The following SORCS1 variants were observed in gnomAD, a reference collection of about 807,000 sequenced individuals.
The protein encoded by SORCS1 is sortilin related VPS10 domain containing receptor 1, also known as VPS10 domain-containing receptor SorCS1.
A neutral mutation model predicts 146.1 loss-of-function variants in SORCS1; 60 were observed. That is an observed-to-expected ratio of 0.41 (90% CI 0.33 to 0.51). The LOEUF is 0.51. Among genes scored for constraint, SORCS1 ranks in the 20% least tolerant of loss-of-function variants. SORCS1 has a pLI of 0.21. For missense variants in SORCS1, 1,352 were observed against 1,487.6 expected (o/e 0.91, Z 1.50); for synonymous variants, 637 against 584.0 (o/e 1.09, Z -1.31).
At chr10:106,679,229 G>C in intron 12 of SORCS1, 27 bp downstream of exon 12, 1 of 1,580,764 alleles carries the variant, frequency 6.3e-7, no homozygotes, top group Non-Finnish European at 8.6e-7. Flanking sequence ...TTAAACTTCA[G>C]CGATTTGACC....
At chr10:106,981,495 T>C (rs557060031) in intron 1 of SORCS1, among the ~76,000 whole-genome samples, 1 of 152,200 alleles carries the variant, frequency 6.6e-6, no homozygotes, top group Non-Finnish European at 1.5e-5. Flanking sequence ...TAAAGTTCAT[T>C]TATTTAACTC....
intron 2 of SORCS1, among the ~76,000 whole-genome samples, chr10:106,916,919 T>C (rs1439224513): frequency 6.6e-6 from 1 of 152,088 alleles, no homozygotes; most frequent in Non-Finnish European, 1.5e-5. Context: ...ATTTTTGTAT[T>C]TTTAGTAGAG....
intron 3 of SORCS1, among the ~76,000 whole-genome samples, chr10:106,777,975 G>A (rs962916575): frequency 6.6e-6 from 1 of 152,156 alleles, no homozygotes; most frequent in Non-Finnish European, 1.5e-5. Context: ...AGCTGAGGAT[G>A]CTGCACTTCC....
At chr10:106,602,512 A>AACACACACACACACACACAC (rs66699179) in intron 23 of SORCS1, among the ~76,000 whole-genome samples, 235 of 138,842 alleles carry the variant, frequency 1.7e-3, no homozygotes, top group African/African-American at 3.0e-3. Context: ...ATTCCTTCAT[A>AACACACACACACACACACAC]ACACACACAC....
Position 106,651,422 on chromosome 10 carries a change from TCC to T in SORCS1, c.2475+958_2475+959del, listed in dbSNP as rs1015909825. ...AGAAATGTATATTCTTGGGCCCTAC[TCC>T]AACCTACTGAATCAGAATCTTTAAG... On this transcript the variant is annotated intron_variant, in intron 18 of 25. Transcript: ENST00000263054. 1.4e-4 allele frequency among the ~76,000 whole-genome samples: 21 copies of T among 152,270 alleles called. No individual in the cohort carries two copies. In the South Asian group the frequency reaches 1.5e-3, roughly 11 times the overall value.
At chr10:106,612,720 GAGCC>G in intron 21 of SORCS1, among the ~76,000 whole-genome samples, 1 of 152,088 alleles carries the variant, frequency 6.6e-6, no homozygotes, top group East Asian at 1.9e-4. Flanking sequence ...CAGGCTCTAA[GAGCC>G]CGTAGCCCCT....
At chr10:106,609,471 G>T (rs540562091) in intron 22 of SORCS1, among the ~76,000 whole-genome samples, 1 of 152,192 alleles carries the variant, frequency 6.6e-6, no homozygotes. Context: ...CTCTCATAGG[G>T]TTTATTAGTG....
intron 2 of SORCS1, among the ~76,000 whole-genome samples, chr10:106,845,858 G>A (rs1374299930): frequency 6.8e-5 from 6 of 88,834 alleles, no homozygotes; most frequent in African/African-American, 2.0e-4. Flanking sequence ...CCCATTGCTT[G>A]TTTTTCTCAG....
At chr10:106,888,684 C>G (rs1186567330) in intron 2 of SORCS1, among the ~76,000 whole-genome samples, 1 of 152,174 alleles carries the variant, frequency 6.6e-6, no homozygotes, top group Non-Finnish European at 1.5e-5. Flanking sequence ...ATGGAAATAA[C>G]CTACTCTCCA....
At chr10:107,076,754 C>T (rs1962918669) in intron 1 of SORCS1, among the ~76,000 whole-genome samples, 1 of 152,060 alleles carries the variant, frequency 6.6e-6, no homozygotes, top group African/African-American at 2.4e-5. Context: ...GAAGTGGACG[C>T]TCCTAGGTGT....
Position 106,960,223 on chromosome 10 carries a change from C to G in SORCS1, c.559-3643G>C, listed in dbSNP as rs1955155904. Among the ~76,000 whole-genome samples, 1 of 152,178 alleles carries G rather than the reference C, an allele frequency of 6.6e-6. No homozygotes were observed. The stretch of plus-strand genomic sequence containing the variant: ...CTCCACCTATGCCATACCAGGACCT[C>G]TGCATCCAGTTATTTCTGGGATTTC... On this transcript the variant is annotated intron_variant, in intron 1 of 25. Coordinates refer to ENST00000263054, the MANE Select transcript of SORCS1 (RefSeq NM_052918.5). This position sits in a 1 kb window ranked among gnomAD's most constrained non-coding sequence, Gnocchi z 4.4.
At chr10:106,580,458 T>C (rs765729588) in intron 24 of SORCS1, among the ~76,000 whole-genome samples, 12 of 152,194 alleles carry the variant, frequency 7.9e-5, no homozygotes, top group Non-Finnish European at 1.6e-4. Flanking sequence ...CTGTAGACTT[T>C]GCAATTAATT....
chr10:106,800,251 A>T (rs1266414632), intron 3 of SORCS1, among the ~76,000 whole-genome samples: 1 of 152,118 alleles, frequency 6.6e-6, no homozygotes, highest in Admixed American at 6.6e-5. Context: ...TACCAGTAGG[A>T]CTCACCCACC....
At chr10:107,089,969 C>A (rs1258227945) in intron 1 of SORCS1, among the ~76,000 whole-genome samples, 1 of 152,154 alleles carries the variant, frequency 6.6e-6, no homozygotes, top group African/African-American at 2.4e-5. Context: ...GTGAAGAGGG[C>A]ACTAGGAAGA....
intron 17 of SORCS1, among the ~76,000 whole-genome samples, chr10:106,660,957 C>A (rs1464979631): frequency 1.3e-5 from 2 of 152,188 alleles, no homozygotes; most frequent in Non-Finnish European, 1.5e-5. Flanking sequence ...AGAAGATTAT[C>A]TTGGTTTCTT....
chr10:106,642,936 C>T (rs1346037945), intron 18 of SORCS1, among the ~76,000 whole-genome samples: 1 of 152,230 alleles, frequency 6.6e-6, no homozygotes, highest in African/African-American at 2.4e-5. Flanking sequence ...ACAGGCCAAA[C>T]TGGCTTTGGT....
chr10:106,753,664 G>A (rs1455750054), intron 5 of SORCS1, among the ~76,000 whole-genome samples: 1 of 150,736 alleles, frequency 6.6e-6, no homozygotes, highest in East Asian at 2.0e-4. Flanking sequence ...TTGGGGCAGC[G>A]ATAATAGGCC....
chr10:106,590,076 T>C (rs1845508595), intron 24 of SORCS1, among the ~76,000 whole-genome samples: 2 of 152,308 alleles, frequency 1.3e-5, no homozygotes, highest in African/African-American at 4.8e-5. Context: ...ATTATGAATA[T>C]TTGAGGGTAT....
chr10:106,918,244 T>C (rs1952539492), intron 2 of SORCS1, among the ~76,000 whole-genome samples: 1 of 152,180 alleles, frequency 6.6e-6, no homozygotes, highest in Non-Finnish European at 1.5e-5. Flanking sequence ...CACTGCAAGC[T>C]CTGCCTCCCT....
Sources: allele counts gnomAD v4.1 joint callset (sites outside exome capture counted in the v4.1 genomes callset), GRCh38; gene constraint gnomAD v4.1.1; non-coding constraint Gnocchi (gnomAD v3.1); transcripts MANE v1.5; gene names NCBI Gene and HGNC (gene_info 2026-07-23, HGNC 2026-07-21).